Variants in CAND2 observed in about 807,000 individuals in gnomAD.
CAND2 encodes the protein cullin-associated NEDD8-dissociated protein 2.
CAND2 carries 62 observed loss-of-function variants against 98.9 expected under a neutral mutation model. The observed-to-expected ratio is 0.63, with a 90% CI of 0.51 to 0.77. CAND2 has a LOEUF of 0.77. Ranked by LOEUF, CAND2 falls within the 30% of genes least tolerant of loss-of-function variation. The probability of loss-of-function intolerance (pLI) is 0.00; values close to 1 mark genes in which losing one functional copy is unlikely to be tolerated. For missense variants in CAND2, 1,501 were observed against 1,655.2 expected, an observed-to-expected ratio of 0.91 and a Z score of 1.62; for synonymous variants, 770 against 731.9, an observed-to-expected ratio of 1.05 and a Z score of -0.84.
chr3:12,802,363 A>C (rs11717013), intron 1 of CAND2, among the ~76,000 whole-genome samples: 73,914 of 152,046 alleles, frequency 0.49, 19,260 homozygotes, highest in Non-Finnish European at 0.6. Flanking sequence ...TTCTGGCATC[A>C]CTTTCTCAGC....
Position 12,834,259 on chromosome 3 carries a change from TG to T in CAND2, c.*278del. The T allele has an allele frequency of 2.1e-6, 1 of 470,284 alleles. No individual in the cohort carries two copies. The highest frequency in any genetic ancestry group is 3.8e-5 in the East Asian group (1 of 26,610). 29.1% of individuals were successfully genotyped at this position (470,284 alleles called of 1,614,324 possible). ...AGGAAGTTTTCCAGTGACTTCACAC[TG>T]TACCCCTCCATAGTCTGTCTGGTTC... On this transcript the variant is annotated 3_prime_UTR_variant, in exon 15 of 15. Transcript: ENST00000456430.
chr3:12,814,497 C>G (rs971793271), intron 7 of CAND2, among the ~76,000 whole-genome samples: 1 of 152,180 alleles, frequency 6.6e-6, no homozygotes, highest in Admixed American at 6.5e-5. Flanking sequence ...CCTTGACTTT[C>G]AGGGAGATTG....
rs751494985 is a variant in CAND2 at position 12,813,373 on chromosome 3, G to A, written c.991G>A (p.Glu331Lys). The A allele has an allele frequency of 5.0e-6, 8 of 1,613,662 alleles. No homozygotes were observed. Among genetic ancestry groups the A allele is most frequent in the Non-Finnish European group, 6.8e-6 (8 of 1,179,860 alleles). ...GGAGCAGATGGAGACAGAGGATAGT[G>A]AATTCAGTGAGCAAGGTTGGTGGAC... ...DEEQMETEDS[E>K]FSEQESEDEY... Residue 331 changes from glutamate (E) to lysine (K), a missense_variant, in exon 7 of 15, where the codon GAA becomes AAA. Glu to Lys is a moderately conservative substitution (Grantham distance 56, BLOSUM62 1). This residue lies in a region of CAND2 where 1,427 missense variants were observed against 1,545.3 expected (regional missense o/e 0.92). Coordinates refer to ENST00000456430, the MANE Select transcript of CAND2 (RefSeq NM_001162499.2).
Position 12,817,732 on chromosome 3 carries a change from G to T in CAND2, c.2800G>T (p.Ala934Ser). ...AAQPDSLKPY[A>S]EDIWALLFQR... ...CCAGCCTGACAGCCTGAAGCCCTAC[G>T]CCGAGGACATCTGGGCCTTGCTGTT... Residue 934 changes from alanine to serine, a missense_variant, in exon 10 of 15, where the codon GCC becomes TCC. By Grantham distance (99) the Ala-to-Ser change is moderately conservative (BLOSUM62 1). Coordinates refer to ENST00000456430, the MANE Select transcript of CAND2 (RefSeq NM_001162499.2). 1 of 1,586,942 alleles carries T rather than the reference G, an allele frequency of 6.3e-7. No individual in the cohort carries two copies. Among genetic ancestry groups the T allele is most frequent in the Non-Finnish European group, 8.6e-7 (1 of 1,166,676 alleles).
In CAND2 at chr3:12,831,489, C is replaced by T. The variant is rs770416028; in HGVS notation, c.3400C>T (p.Arg1134Trp). 20 of 1,614,036 alleles carry T rather than the reference C, an allele frequency of 1.2e-5. No homozygotes were observed. In the East Asian group the frequency reaches 3.1e-4, roughly 25 times the overall value. Residue 1134 changes from arginine to tryptophan, a missense_variant, in exon 14 of 15, where the codon CGG (arginine) becomes TGG (tryptophan). By Grantham distance (101) the Arg-to-Trp change is moderately radical (BLOSUM62 -3). This residue lies in a region of CAND2 where 1,427 missense variants were observed against 1,545.3 expected (regional missense o/e 0.92). Coordinates refer to ENST00000456430, the MANE Select transcript of CAND2 (RefSeq NM_001162499.2). ...GATGCTGACCTTCATCATGGTTGCC[C>T]GGCTGGCCACCCTGTGTCCTGCACC... ...IRMLTFIMVA[R>W]LATLCPAPVL...
chr3:12,822,301 T>C (rs2061962620), intron 11 of CAND2, among the ~76,000 whole-genome samples: 1 of 149,514 alleles, frequency 6.7e-6, no homozygotes, highest in Non-Finnish European at 1.5e-5. Flanking sequence ...TTTCAATCTT[T>C]TTTTTTTTTT....
chr3:12,828,469 C>G (rs1041433652), intron 13 of CAND2, among the ~76,000 whole-genome samples: 7 of 151,624 alleles, frequency 4.6e-5, no homozygotes, highest in Non-Finnish European at 8.8e-5. Context: ...TCCCAAGTAG[C>G]TGGGACTACA....
chr3:12,832,604 GCT>G (rs759828930), intron 14 of CAND2: 1 of 152,204 alleles, frequency 6.6e-6, no homozygotes, highest in Non-Finnish European at 1.5e-5. Context: ...AATCTACCAA[GCT>G]CTGACAACCA....
At chr3:12,808,106 G>C (rs2061821385) in intron 3 of CAND2, 104 bp from the exon 4 acceptor site, 1 of 1,420,386 alleles carries the variant, frequency 7.0e-7, no homozygotes, top group Non-Finnish European at 9.6e-7. Context: ...AGATTCCCGG[G>C]GATGTGGGCT....
chr3:12,821,283 T>C (rs12494783), intron 11 of CAND2, among the ~76,000 whole-genome samples: 28,252 of 150,824 alleles, frequency 0.19, 3,331 homozygotes, highest in Admixed American at 0.32. Context: ...ACCTGTAATC[T>C]CAGCTGTTTG....
chr3:12,831,061 C>T (rs1013071052), intron 13 of CAND2, among the ~76,000 whole-genome samples: 1 of 144,820 alleles, frequency 6.9e-6, no homozygotes, highest in Non-Finnish European at 1.5e-5. Flanking sequence ...ATTTAAAAAT[C>T]GAGACTTTTT....
At chr3:12,812,889 G>A (rs1575769468) in intron 5 of CAND2, 101 bp from the exon 6 acceptor site, 1 of 716,014 alleles carries the variant, frequency 1.4e-6, no homozygotes, top group Admixed American at 2.4e-5. Context: ...TGAATCTACA[G>A]TGGTCAGGGC....
chr3:12,818,044 T>C (rs971876291), intron 10 of CAND2, among the ~76,000 whole-genome samples, 168 bp downstream of exon 10: 1 of 152,204 alleles, frequency 6.6e-6, no homozygotes, highest in East Asian at 1.9e-4. Context: ...CAGTGATACC[T>C]GAGACTTAAA....
intron 5 of CAND2, 36 bp downstream of exon 5, chr3:12,810,360 G>A (rs1478765880): frequency 2.9e-6 from 4 of 1,401,862 alleles, no homozygotes; most frequent in Non-Finnish European, 2.8e-6. Flanking sequence ...GGCTGGCATG[G>A]TGGGCGGAGC....
At chr3:12,819,446 A>G (rs1345796695) in intron 10 of CAND2, among the ~76,000 whole-genome samples, 2 of 152,216 alleles carry the variant, frequency 1.3e-5, no homozygotes, top group Non-Finnish European at 2.9e-5. Flanking sequence ...CGTTTCCTTC[A>G]TTAAGGGAAT....
At chr3:12,824,301 T>G (rs2061982060) in intron 11 of CAND2, among the ~76,000 whole-genome samples, 1 of 152,242 alleles carries the variant, frequency 6.6e-6, no homozygotes, top group South Asian at 2.1e-4. Context: ...AACAGAATAC[T>G]ACAGATTGGG....
intron 10 of CAND2, among the ~76,000 whole-genome samples, chr3:12,819,566 C>G (rs58438023): frequency 0.036 from 5,497 of 152,268 alleles, 322 homozygotes; most frequent in African/African-American, 0.13. Flanking sequence ...TGTTAGGCCT[C>G]CCTGACCACC....
In CAND2 at chr3:12,820,160, C is replaced by G; in HGVS notation, c.3019C>G (p.Pro1007Ala). Reference protein sequence around the residue: ...LISDQPHPIDPLLKSFIGEFM... With the variant: ...LISDQPHPIDALLKSFIGEFM... ...CTCGGACCAGCCCCATCCCATTGAC[C>G]CCCTCCTGAAGAGCTTCATCGGTGA... is the stretch of plus-strand genomic sequence containing the variant. Residue 1007 changes from proline to alanine, a missense_variant, in exon 11 of 15, where the codon CCC becomes GCC. Pro to Ala is a conservative substitution (Grantham distance 27). Coordinates refer to ENST00000456430, the MANE Select transcript of CAND2 (RefSeq NM_001162499.2). 6.2e-7 allele frequency: 1 copy of G among 1,614,052 alleles called. No individual in the cohort carries two copies. Among genetic ancestry groups the G allele is most frequent in the Non-Finnish European group, 8.5e-7 (1 of 1,179,924 alleles).
chr3:12,809,457 G>A (rs1248238706), intron 4 of CAND2, among the ~76,000 whole-genome samples: 1 of 152,146 alleles, frequency 6.6e-6, no homozygotes, highest in Admixed American at 6.6e-5. Context: ...TAAGGTCAGC[G>A]TGTTTCTGTA....
Sources: allele counts gnomAD v4.1 joint callset (sites outside exome capture counted in the v4.1 genomes callset), GRCh38; gene constraint gnomAD v4.1.1; regional missense constraint gnomAD v4.1.1; transcripts MANE v1.5; gene names NCBI Gene and HGNC (gene_info 2026-07-23, HGNC 2026-07-21).